The following DLG2 variants were observed in gnomAD, a reference collection of about 807,000 sequenced individuals.
DLG2 encodes disks large homolog 2.
Under a neutral mutation model 132.5 loss-of-function variants are expected in DLG2, and 45 were observed. The observed-to-expected ratio is 0.34, with a 90% CI of 0.27 to 0.44. The LOEUF is 0.44. DLG2 is among the 20% of genes least tolerant of loss of function. The pLI is 1.00. For synonymous variants in DLG2, 424 were observed against 419.6 expected (o/e 1.01, Z -0.13); for missense variants, 1,045 against 1,196.9 (o/e 0.87, Z 1.87).
chr11:84,295,381 C>A (rs1368052777), intron 7 of DLG2, among the ~76,000 whole-genome samples: 1 of 152,110 alleles, frequency 6.6e-6, no homozygotes, highest in African/African-American at 2.4e-5. Flanking sequence ...AAGCACATGG[C>A]ATTATCAAAT....
intron 9 of DLG2, among the ~76,000 whole-genome samples, chr11:84,121,584 C>T (rs71468360): frequency 0.9 from 103,294 of 114,210 alleles, 46,351 homozygotes; most frequent in Middle Eastern, 0.95. Context: ...TTTTTTGAGA[C>T]GGAGTCTCGC....
At chr11:85,381,045 T>C (rs1020725867) in intron 3 of DLG2, among the ~76,000 whole-genome samples, 17 of 152,198 alleles carry the variant, frequency 1.1e-4, no homozygotes, top group Non-Finnish European at 1.8e-4. Context: ...TTCTCTACTA[T>C]AAGAAAAGGA....
chr11:84,095,405 A>T (rs2097152266), intron 10 of DLG2, among the ~76,000 whole-genome samples: 1 of 152,226 alleles, frequency 6.6e-6, no homozygotes, highest in Non-Finnish European at 1.5e-5. Context: ...TCCAAGGTCA[A>T]CTGTGTTACA....
chr11:84,863,766 A>C (rs1203144800), intron 6 of DLG2, among the ~76,000 whole-genome samples: 1 of 152,026 alleles, frequency 6.6e-6, no homozygotes, highest in African/African-American at 2.4e-5. Flanking sequence ...ATAAAGCAAA[A>C]ACTCTGGAAG....
chr11:84,757,103 G>C (rs918227162), intron 6 of DLG2, among the ~76,000 whole-genome samples: 7 of 151,978 alleles, frequency 4.6e-5, no homozygotes, highest in Admixed American at 3.9e-4. Context: ...CTCTACTCTG[G>C]AATTCTCTTC....
intron 7 of DLG2, among the ~76,000 whole-genome samples, chr11:84,480,723 T>C (rs1266398691): frequency 6.6e-6 from 1 of 151,682 alleles, no homozygotes; most frequent in Non-Finnish European, 1.5e-5. Flanking sequence ...GTTTGTTTGT[T>C]TGCTTGTTTG....
chr11:83,765,317 C>T (rs1279685852), intron 18 of DLG2, among the ~76,000 whole-genome samples: 1 of 152,098 alleles, frequency 6.6e-6, no homozygotes, highest in Admixed American at 6.6e-5. Flanking sequence ...GAAATTACTG[C>T]TAGAGGAATT....
At chr11:84,041,288 A>G (rs963286756) in intron 11 of DLG2, among the ~76,000 whole-genome samples, 5 of 152,018 alleles carry the variant, frequency 3.3e-5, no homozygotes, top group East Asian at 1.9e-4. Context: ...AGGCAGGTAC[A>G]TATATAGGAT....
At chr11:84,808,112 A>C (rs2076196320) in intron 6 of DLG2, among the ~76,000 whole-genome samples, 1 of 152,152 alleles carries the variant, frequency 6.6e-6, no homozygotes, top group South Asian at 2.1e-4. Context: ...AATCTCAATA[A>C]ATTTAAAATA....
At chr11:85,355,304 A>G (rs1372444798) in intron 3 of DLG2, among the ~76,000 whole-genome samples, 1 of 152,150 alleles carries the variant, frequency 6.6e-6, no homozygotes, top group Non-Finnish European at 1.5e-5. Context: ...TGATCTGTTA[A>G]TTACTTTAAA....
At chr11:84,128,731 G>A (rs903689546) in intron 9 of DLG2, among the ~76,000 whole-genome samples, 2 of 151,952 alleles carry the variant, frequency 1.3e-5, no homozygotes, top group Non-Finnish European at 2.9e-5. Flanking sequence ...CATTTAGGGG[G>A]CAATATACAC....
intron 6 of DLG2, among the ~76,000 whole-genome samples, chr11:84,842,923 G>T (rs751504155): frequency 6.6e-6 from 1 of 151,922 alleles, no homozygotes; most frequent in African/African-American, 2.4e-5. Flanking sequence ...GCCGAGTTAT[G>T]TAAGTGGCAA....
intron 6 of DLG2, among the ~76,000 whole-genome samples, chr11:84,980,306 C>A (rs1307996801): frequency 6.6e-6 from 1 of 152,026 alleles, no homozygotes; most frequent in Non-Finnish European, 1.5e-5. Context: ...ATCACCTACC[C>A]AGCATTTAAA....
At chr11:84,613,689 G>C (rs1054015305) in intron 6 of DLG2, among the ~76,000 whole-genome samples, 2 of 152,134 alleles carry the variant, frequency 1.3e-5, no homozygotes, top group Non-Finnish European at 2.9e-5. Flanking sequence ...AAAAGGATGA[G>C]ATGAGAAGGA....
intron 7 of DLG2, among the ~76,000 whole-genome samples, chr11:84,411,075 T>C (rs2098900227): frequency 6.6e-6 from 1 of 152,184 alleles, no homozygotes; most frequent in Admixed American, 6.5e-5. Context: ...AGCTATGCAG[T>C]GAAAAGGCAG....
At chr11:84,693,624 C>A (rs189577899) in intron 6 of DLG2, among the ~76,000 whole-genome samples, 1 of 151,692 alleles carries the variant, frequency 6.6e-6, no homozygotes, top group Non-Finnish European at 1.5e-5. Context: ...TAAAAGAACT[C>A]CATTGTTTTA....
At chr11:85,434,385 CTGT>C (rs1048428043) in intron 3 of DLG2, among the ~76,000 whole-genome samples, 10 of 150,280 alleles carry the variant, frequency 6.7e-5, no homozygotes, top group African/African-American at 2.5e-4. Context: ...AATCCAGGGG[CTGT>C]TTTTTTTGAA....
At chr11:83,616,636 C>A (rs1368787255) in intron 19 of DLG2, among the ~76,000 whole-genome samples, 1 of 152,066 alleles carries the variant, frequency 6.6e-6, no homozygotes, top group Non-Finnish European at 1.5e-5. Flanking sequence ...TTTAGATGAA[C>A]AGAGGTTTGT....
intron 3 of DLG2, among the ~76,000 whole-genome samples, chr11:85,506,182 A>AT (rs2153142793): frequency 6.6e-6 from 1 of 152,032 alleles, no homozygotes; most frequent in South Asian, 2.1e-4. Context: ...GGATTCATTG[A>AT]TTTTTTGAAG....
Sources: allele counts gnomAD v4.1 joint callset (sites outside exome capture counted in the v4.1 genomes callset), GRCh38; gene constraint gnomAD v4.1.1; transcripts MANE v1.5; gene names NCBI Gene and HGNC (gene_info 2026-07-23, HGNC 2026-07-21).